The following PTPRD variants were observed in gnomAD, a reference collection of about 807,000 sequenced individuals.
PTPRD encodes the protein receptor-type tyrosine-protein phosphatase delta.
A neutral mutation model predicts 214.5 loss-of-function variants in PTPRD; 34 were observed. The ratio of observed to expected loss-of-function variants is 0.16; its 90% confidence interval spans 0.12 to 0.21. The LOEUF is 0.21. PTPRD is among the 10% of genes least tolerant of loss of function. The probability of loss-of-function intolerance (pLI) is 1.00; values close to 1 mark genes in which losing one functional copy is unlikely to be tolerated. For missense variants in PTPRD, 2,545 were observed against 2,398.7 expected (o/e 1.06, Z -1.27); for synonymous variants, 1,128 against 845.7 (o/e 1.33, Z -5.79).
chr9:8,785,709 G>T (rs1342639799), intron 11 of PTPRD, among the ~76,000 whole-genome samples: 1 of 152,174 alleles, frequency 6.6e-6, no homozygotes, highest in African/African-American at 2.4e-5. Flanking sequence ...AACAAGGAGT[G>T]GTTATGCTGG....
chr9:8,344,028 C>T (rs1227368699), intron 39 of PTPRD, among the ~76,000 whole-genome samples: 2 of 152,028 alleles, frequency 1.3e-5, no homozygotes, highest in African/African-American at 4.8e-5. Context: ...TGCTGGTCTC[C>T]TGATATGCCA....
At chr9:8,428,453 T>C (rs531148995) in intron 35 of PTPRD, among the ~76,000 whole-genome samples, 4 of 152,308 alleles carry the variant, frequency 2.6e-5, no homozygotes, top group African/African-American at 9.6e-5. Context: ...TAATTTGTTC[T>C]CAACTTTTTT....
chr9:9,280,135 T>C (rs1356894704), intron 9 of PTPRD, among the ~76,000 whole-genome samples: 1 of 151,308 alleles, frequency 6.6e-6, no homozygotes, highest in Non-Finnish European at 1.5e-5. Context: ...TGAGAAAATC[T>C]GCACATGACA....
intron 10 of PTPRD, among the ~76,000 whole-genome samples, chr9:9,175,641 A>ACAC (rs148825813): frequency 1.4e-5 from 2 of 140,364 alleles, no homozygotes; most frequent in African/African-American, 5.3e-5. Context: ...AAAAAAAAAA[A>ACAC]AAAAAAAAAG....
intron 3 of PTPRD, among the ~76,000 whole-genome samples, chr9:10,320,331 A>G (rs577177068): frequency 1.1e-4 from 17 of 152,036 alleles, no homozygotes; most frequent in Non-Finnish European, 2.1e-4. Flanking sequence ...CTGACTACAT[A>G]AGCTTGAATA....
chr9:9,254,635 G>T (rs2099976932), intron 9 of PTPRD, among the ~76,000 whole-genome samples: 1 of 152,016 alleles, frequency 6.6e-6, no homozygotes, highest in Admixed American at 6.6e-5. Flanking sequence ...TTTGGAGTTG[G>T]TTCCTCTAAC....
intron 8 of PTPRD, among the ~76,000 whole-genome samples, chr9:9,470,822 A>C (rs1440522834): frequency 6.6e-6 from 1 of 152,208 alleles, no homozygotes; most frequent in Non-Finnish European, 1.5e-5. Flanking sequence ...ATGCTGTCTC[A>C]AATGCTAACT....
At chr9:10,325,201 G>A (rs1304092932) in intron 3 of PTPRD, among the ~76,000 whole-genome samples, 4 of 151,970 alleles carry the variant, frequency 2.6e-5, no homozygotes, top group Admixed American at 2.6e-4. Flanking sequence ...GTTTCAGTAA[G>A]TGTGAGGTGG....
rs34458091 is a variant in PTPRD, at chr9:9,781,797, A to AT, written c.-367-14947dup. Among the ~76,000 whole-genome samples, 834 of 146,716 alleles carry AT rather than the reference A, an allele frequency of 5.7e-3. 6 individuals are homozygous for AT. The highest frequency in any genetic ancestry group is 0.017 in the African/African-American group (668 of 39,972). ...ACTAACATTTTTTGTCTGGACTCATATTTTTTTTTTTTTTAGACGGAGTCT... is the reference window on the plus strand; with the variant it reads ...ACTAACATTTTTTGTCTGGACTCATATTTTTTTTTTTTTTTAGACGGAGTCT... On this transcript the variant is annotated intron_variant, in intron 5 of 45. Coordinates refer to ENST00000381196, the MANE Select transcript of PTPRD (RefSeq NM_002839.4).
rs2097838590 is a variant in PTPRD, at chr9:10,064,342, A to G, written c.-544-30552T>C. 2.0e-5 allele frequency among the ~76,000 whole-genome samples: 3 copies of G among 152,028 alleles called. 1 individual carries two copies. The highest frequency in any genetic ancestry group is 6.6e-5 in the Admixed American group (1 of 15,210). ...TACAACAAATGTTTGCTAAATTTGAATAATAGATATTCTAATACCCAGATT... is the reference window on the plus strand; with the variant it reads ...TACAACAAATGTTTGCTAAATTTGAGTAATAGATATTCTAATACCCAGATT... On this transcript the variant is annotated intron_variant, in intron 3 of 45. Coordinates refer to ENST00000381196, the MANE Select transcript of PTPRD (RefSeq NM_002839.4).
chr9:9,868,815 T>A (rs2064689127), intron 5 of PTPRD, among the ~76,000 whole-genome samples: 1 of 151,990 alleles, frequency 6.6e-6, no homozygotes, highest in South Asian at 2.1e-4. Context: ...TGTTATTAAA[T>A]CTCTCATCTA....
chr9:8,683,820 C>G (rs1322811000), intron 12 of PTPRD, among the ~76,000 whole-genome samples: 7 of 152,206 alleles, frequency 4.6e-5, no homozygotes, highest in Non-Finnish European at 1.0e-4. Context: ...CTGCCTTCTT[C>G]CCTTTTCTTC....
At chr9:10,106,197 C>G (rs544720181) in intron 3 of PTPRD, among the ~76,000 whole-genome samples, 4 of 151,848 alleles carry the variant, frequency 2.6e-5, no homozygotes, top group African/African-American at 9.6e-5. Flanking sequence ...TACCACTACT[C>G]CATGCAGAAA....
intron 12 of PTPRD, among the ~76,000 whole-genome samples, chr9:8,664,902 A>C (rs980425485): frequency 1.3e-5 from 2 of 152,234 alleles, no homozygotes; most frequent in African/African-American, 4.8e-5. Flanking sequence ...AACTTCTAAC[A>C]ATAACAGTAC....
At chr9:10,004,004 C>G (rs567236215) in intron 4 of PTPRD, among the ~76,000 whole-genome samples, 2 of 151,860 alleles carry the variant, frequency 1.3e-5, no homozygotes, top group Admixed American at 1.3e-4. Flanking sequence ...TGAGAAACTT[C>G]AAAGGTTATT....
chr9:8,801,145 T>C (rs999974283), intron 11 of PTPRD, among the ~76,000 whole-genome samples: 4 of 152,226 alleles, frequency 2.6e-5, no homozygotes, highest in Non-Finnish European at 4.4e-5. Flanking sequence ...ATCATGATGA[T>C]GGTAGTTCAG....
chr9:8,938,313 G>T (rs575442113), intron 11 of PTPRD, among the ~76,000 whole-genome samples: 1 of 152,138 alleles, frequency 6.6e-6, no homozygotes, highest in East Asian at 1.9e-4. Flanking sequence ...GAAGAGAGAA[G>T]AGGAGAGAAC....
chr9:8,564,589 T>C (rs2088070100), intron 14 of PTPRD, among the ~76,000 whole-genome samples: 1 of 152,106 alleles, frequency 6.6e-6, no homozygotes, highest in East Asian at 1.9e-4. Flanking sequence ...GTAATCCCGC[T>C]ACTCAGGGGC....
At chr9:10,299,051 G>T (rs565264057) in intron 3 of PTPRD, among the ~76,000 whole-genome samples, 7 of 152,202 alleles carry the variant, frequency 4.6e-5, no homozygotes, top group African/African-American at 1.7e-4. Context: ...TGCCATTGTA[G>T]AGTGTCTGAT....
Sources: allele counts gnomAD v4.1 joint callset (sites outside exome capture counted in the v4.1 genomes callset), GRCh38; gene constraint gnomAD v4.1.1; transcripts MANE v1.5; gene names NCBI Gene and HGNC (gene_info 2026-07-23, HGNC 2026-07-21).